KLHL24: variants seen among roughly 807,000 people sequenced by gnomAD.
KLHL24 encodes kelch like family member 24.
A neutral mutation model predicts 53.4 loss-of-function variants in KLHL24; 29 were observed. That is an observed-to-expected ratio of 0.54 (90% confidence interval 0.40 to 0.74). KLHL24 has a LOEUF of 0.74. Ranked by LOEUF, KLHL24 falls within the 30% of genes least tolerant of loss-of-function variation. KLHL24 has a pLI of 0.00. For synonymous variants in KLHL24, 222 were observed against 253.7 expected (o/e 0.88, Z 1.19); for missense variants, 504 against 744.0 (o/e 0.68, Z 3.75).
intron 1 of KLHL24, among the ~76,000 whole-genome samples, chr3:183,640,202 C>T (rs1344573460): frequency 6.6e-6 from 1 of 152,106 alleles, no homozygotes; most frequent in African/African-American, 2.4e-5. Context: ...CATGAGTAGG[C>T]TCAATAGGGC....
At chr3:183,667,034 T>G (rs1278345694) in intron 5 of KLHL24, among the ~76,000 whole-genome samples, 7 of 152,072 alleles carry the variant, frequency 4.6e-5, no homozygotes, top group African/African-American at 1.4e-4. Flanking sequence ...AAAACAAAGC[T>G]CTAGCTGAAA....
intron 3 of KLHL24, among the ~76,000 whole-genome samples, chr3:183,661,014 G>A (rs1216049678): frequency 2.5e-5 from 2 of 80,582 alleles, no homozygotes; most frequent in African/African-American, 1.5e-4. Context: ...GCAGTGAGCC[G>A]AGATTGCGCC....
intron 7 of KLHL24, among the ~76,000 whole-genome samples, chr3:183,676,933 T>C (rs1711998004): frequency 6.6e-6 from 1 of 150,906 alleles, no homozygotes; most frequent in African/African-American, 2.4e-5. Flanking sequence ...TTCTTTGCAA[T>C]GTTAGGATCA....
In KLHL24 at chr3:183,679,355, A is replaced by G. The variant is rs1712447466; in HGVS notation, c.*69A>G. 9.1e-7 allele frequency: 1 copy of G among 1,102,538 alleles called. No homozygotes were observed. Among genetic ancestry groups the G allele is most frequent in the East Asian group, 2.4e-5 (1 of 41,392 alleles). The allele number at this position is 1,102,538 out of a possible 1,614,324, so 68.3% of individuals were successfully genotyped here. A position where few individuals can be genotyped will look rare whatever the true frequency, so the allele number is the denominator to read the frequency against. ...GAGGTTTTAAAAACTCTACAGTGGG[A>G]ACTTCACATATCTCCTTTGTGCCAT... On this transcript the variant is annotated 3_prime_UTR_variant, in exon 8 of 8. Coordinates refer to ENST00000242810, the MANE Select transcript of KLHL24 (RefSeq NM_017644.3).
At chr3:183,654,157 C>T (rs980998876) in intron 3 of KLHL24, among the ~76,000 whole-genome samples, 38 of 152,106 alleles carry the variant, frequency 2.5e-4, no homozygotes, top group African/African-American at 8.4e-4. Context: ...TGAGCTCTTT[C>T]GAATTTGATA....
chr3:183,640,064 A>G (rs957214960), intron 1 of KLHL24, among the ~76,000 whole-genome samples: 4 of 152,164 alleles, frequency 2.6e-5, no homozygotes, highest in Admixed American at 6.5e-5. Flanking sequence ...AACAGAAAAC[A>G]TAACTATATC....
intron 5 of KLHL24, among the ~76,000 whole-genome samples, chr3:183,665,563 A>G (rs2108851413): frequency 6.6e-6 from 1 of 152,244 alleles, no homozygotes; most frequent in Admixed American, 6.5e-5. Context: ...ATCCTGGCCA[A>G]TGTGGTGAAA....
At position 183,681,268 on chromosome 3, in the gene KLHL24, G is replaced by A. The variant is rs990488227; in HGVS notation, c.*1982G>A. ...TTAAGAAATTCTTTACAGTAAATGA[G>A]ATAATGTGTGAAAAAGTATTTTGTA... On this transcript the variant is annotated 3_prime_UTR_variant, in exon 8 of 8. Transcript: ENST00000242810. The A allele has an allele frequency of 6.6e-6, 1 of 152,182 alleles. No individual in the cohort carries two copies. Among genetic ancestry groups the A allele is most frequent in the African/African-American group, 2.4e-5 (1 of 41,396 alleles). The allele number at this position is 152,182 out of a possible 1,614,324, so 9.4% of individuals were successfully genotyped here.
At chr3:183,639,881 C>T (rs189324015) in intron 1 of KLHL24, among the ~76,000 whole-genome samples, 457 of 151,634 alleles carry the variant, frequency 3.0e-3, no homozygotes, top group African/African-American at 0.01. Context: ...AAATATTAGC[C>T]TGGTGTGGTA....
intron 7 of KLHL24, among the ~76,000 whole-genome samples, chr3:183,676,385 G>A (rs776890874): frequency 6.6e-6 from 1 of 152,100 alleles, no homozygotes; most frequent in African/African-American, 2.4e-5. Flanking sequence ...CATGAGCCAC[G>A]GCACCTGGCC....
rs1721291949 is a variant in KLHL24 at position 183,671,274 on chromosome 3, A to G, written c.1413+52A>G. 7 of 1,522,520 alleles carry G rather than the reference A, an allele frequency of 4.6e-6. No homozygotes were observed. In the East Asian group the frequency reaches 1.4e-4, roughly 30 times the overall value. 94.3% of individuals were successfully genotyped at this position (1,522,520 alleles called of 1,614,324 possible). A position where few individuals can be genotyped will look rare whatever the true frequency, so the allele number is the denominator to read the frequency against. On this transcript the variant is annotated intron_variant, in intron 6 of 7. Coordinates refer to ENST00000242810, the MANE Select transcript of KLHL24 (RefSeq NM_017644.3). ...ACCAATATTAAGTACAAGAAGGGAA[A>G]TACAGAAGGCTTATCAAGTAGGTAG...
chr3:183,637,713 C>T (rs1490107595), intron 1 of KLHL24, among the ~76,000 whole-genome samples: 1 of 152,204 alleles, frequency 6.6e-6, no homozygotes, highest in Non-Finnish European at 1.5e-5. Context: ...CTCACTCCGT[C>T]ACCCAGGCCA....
chr3:183,639,646 A>C (rs1239488608), intron 1 of KLHL24, among the ~76,000 whole-genome samples: 1 of 148,534 alleles, frequency 6.7e-6, no homozygotes, highest in Non-Finnish European at 1.5e-5. Flanking sequence ...AAAAAAAAAA[A>C]AAAAAAATCT....
At chr3:183,643,631 C>T (rs1716794903) in intron 2 of KLHL24, 89 bp downstream of exon 2, 1 of 152,072 alleles carries the variant, frequency 6.6e-6, no homozygotes, top group African/African-American at 2.4e-5. Context: ...TCACTTAAGC[C>T]AATCAGATAA....
chr3:183,679,952 A>G lies in KLHL24; in HGVS notation c.*666A>G, dbSNP rs1712509709. On this transcript the variant is annotated 3_prime_UTR_variant, in exon 8 of 8. Coordinates refer to ENST00000242810, the MANE Select transcript of KLHL24 (RefSeq NM_017644.3). Reference sequence around the variant, plus strand: ...AGGAGATAGAAAAATAAGTGCCCCTACAAGGGGGATTAAAATTACAAGTTA... The same window carrying G: ...AGGAGATAGAAAAATAAGTGCCCCTGCAAGGGGGATTAAAATTACAAGTTA... 6.6e-6 allele frequency: 1 copy of G among 152,210 alleles called. No homozygotes were observed. Among genetic ancestry groups the G allele is most frequent in the Non-Finnish European group, 1.5e-5 (1 of 68,042 alleles). 9.4% of individuals were successfully genotyped at this position (152,210 alleles called of 1,614,324 possible). A position where few individuals can be genotyped will look rare whatever the true frequency, so the allele number is the denominator to read the frequency against.
intron 6 of KLHL24, 79 bp from the exon 7 acceptor site, chr3:183,672,217 A>G: frequency 1.6e-6 from 1 of 622,856 alleles, no homozygotes. Flanking sequence ...TAATGTTTGT[A>G]GGTATTGGTA....
chr3:183,667,296 GT>G (rs1720704934), intron 5 of KLHL24, among the ~76,000 whole-genome samples: 1 of 152,170 alleles, frequency 6.6e-6, no homozygotes, highest in Admixed American at 6.5e-5. Flanking sequence ...CGCACCGGTA[GT>G]CCCAGCTACT....
In KLHL24 at chr3:183,663,320, T is replaced by C. The variant is rs1720066029; in HGVS notation, c.921-138T>C. The C allele has an allele frequency of 2.5e-6, 1 of 406,012 alleles. No homozygotes were observed. Among genetic ancestry groups the C allele is most frequent in the Non-Finnish European group, 4.3e-6 (1 of 233,496 alleles). The allele number at this position is 406,012 out of a possible 1,614,324, so 25.2% of individuals were successfully genotyped here. A position where few individuals can be genotyped will look rare whatever the true frequency, so the allele number is the denominator to read the frequency against. On this transcript the variant is annotated intron_variant, in intron 3 of 7. Coordinates refer to ENST00000242810, the MANE Select transcript of KLHL24 (RefSeq NM_017644.3). The surrounding 1 kb of genome is among the most constrained non-coding windows in gnomAD (Gnocchi z 4.9). ...GTAAGTAATTTCCAGGCTGTACCGT[T>C]TGGCACATGCACAGAGAAGAAACTT...
intron 5 of KLHL24, among the ~76,000 whole-genome samples, chr3:183,669,128 G>A (rs549846763): frequency 1.4e-4 from 21 of 152,178 alleles, no homozygotes; most frequent in South Asian, 2.1e-4. Context: ...GTAGGAATAC[G>A]TATTAAAGTT....
Sources: gnomAD v4.1 joint callset for allele counts (sites outside exome capture counted in the v4.1 genomes callset) on GRCh38, gnomAD v4.1.1 for gene constraint, Gnocchi (gnomAD v3.1) non-coding constraint, MANE v1.5 for transcripts, NCBI Gene and HGNC (gene_info 2026-07-23, HGNC 2026-07-21) for gene names.